The following FAT3 variants were observed in gnomAD, a reference collection of about 807,000 sequenced individuals.
The protein encoded by FAT3 is FAT atypical cadherin 3.
A neutral mutation model predicts 310.2 loss-of-function variants in FAT3; 95 were observed. That is an observed-to-expected ratio of 0.31 (90% confidence interval 0.26 to 0.36). FAT3 has a LOEUF of 0.36. Ranked by LOEUF, FAT3 falls within the 10% of genes least tolerant of loss-of-function variation. The probability of loss-of-function intolerance (pLI) is 1.00; values close to 1 mark genes in which losing one functional copy is unlikely to be tolerated. For synonymous variants in FAT3, 2,314 were observed against 2,192.9 expected (o/e 1.06, Z -1.54); for missense variants, 5,408 against 5,715.6 (o/e 0.95, Z 1.74).
intron 3 of FAT3, among the ~76,000 whole-genome samples, chr11:92,627,782 A>G (rs1941392221): frequency 6.6e-6 from 1 of 152,150 alleles, no homozygotes; most frequent in Non-Finnish European, 1.5e-5. Flanking sequence ...ACCGTGTAGA[A>G]AGCAGAGTGC....
intron 25 of FAT3, among the ~76,000 whole-genome samples, chr11:92,888,144 A>G (rs566557793): frequency 8.2e-4 from 125 of 152,304 alleles, no homozygotes; most frequent in African/African-American, 2.8e-3. Context: ...GCCTATTTTC[A>G]TCACCACTTT....
At chr11:92,600,858 C>CCTT (rs1386865471) in intron 3 of FAT3, among the ~76,000 whole-genome samples, 1 of 152,050 alleles carries the variant, frequency 6.6e-6, no homozygotes, top group Non-Finnish European at 1.5e-5. Context: ...GGGGAAGGCA[C>CCTT]CTTCTCTAAA....
intron 3 of FAT3, among the ~76,000 whole-genome samples, chr11:92,533,765 T>A (rs1019796813): frequency 6.6e-6 from 1 of 152,124 alleles, no homozygotes; most frequent in Non-Finnish European, 1.5e-5. Context: ...CCATGCTGCT[T>A]CATGTCCTGC....
Position 92,890,773 on chromosome 11 carries a change from C to T in FAT3, c.13430C>T (p.Thr4477Ile), listed in dbSNP as rs1198137899. ...TCCCAGCCTGTCTCCCTGGCCAGCACACTGAGCCCAGACTGCAGGAGAAGG... is the reference window on the plus strand; with the variant it reads ...TCCCAGCCTGTCTCCCTGGCCAGCATACTGAGCCCAGACTGCAGGAGAAGG... The part of the protein sequence containing the change: ...PPSQPVSLAS[T>I]LSPDCRRRPQ... The change falls in exon 28 of 28, where the codon ACA (threonine) becomes ATA (isoleucine). Residue 4477 changes from threonine (T) to isoleucine (I), a missense_variant. Transcript: ENST00000525166. 3 of 1,613,918 alleles carry T rather than the reference C, an allele frequency of 1.9e-6. No individual in the cohort carries two copies. Among genetic ancestry groups the T allele is most frequent in the Non-Finnish European group, 1.7e-6 (2 of 1,179,874 alleles).
chr11:92,798,207 G>C lies in FAT3; in HGVS notation c.5194G>C (p.Glu1732Gln). ...VITTQKALDY[E>Q]RTSSYQLIIQ... Reference sequence around the variant, plus strand: ...CACCACTCAGAAGGCCCTGGATTATGAGCGCACATCCTCTTATCAACTCAT... The same window carrying C: ...CACCACTCAGAAGGCCCTGGATTATCAGCGCACATCCTCTTATCAACTCAT... Residue 1732 changes from glutamate to glutamine, a missense_variant, in exon 10 of 28, where the codon GAG becomes CAG. Around this residue, in one of 5 missense-constraint regions of FAT3, gnomAD observed 4,588 missense variants for 4,809.8 expected, o/e 0.95. Coordinates refer to ENST00000525166, the MANE Select transcript of FAT3 (RefSeq NM_001367949.2). The C allele has an allele frequency of 6.2e-7, 1 of 1,613,936 alleles. No individual in the cohort carries two copies. The highest frequency in any genetic ancestry group is 8.5e-7 in the Non-Finnish European group (1 of 1,179,850).
rs1555058204 is a variant in FAT3 at position 92,478,948 on chromosome 11, C to CTTTCTTTCT, written c.3293-45679_3293-45678insCTTTTCTTT. 6.5e-4 allele frequency among the ~76,000 whole-genome samples: 74 copies of CTTTCTTTCT among 114,520 alleles called. 2 individuals carry two copies. The highest frequency in any genetic ancestry group is 1.0e-3 in the Non-Finnish European group (60 of 57,626). 75.1% of individuals were successfully genotyped at this position (114,520 alleles called of 152,430 possible). On this transcript the variant is annotated intron_variant, in intron 2 of 27. Coordinates refer to ENST00000525166, the MANE Select transcript of FAT3 (RefSeq NM_001367949.2). ...TTTCTTTCCTTCTCTTTCTTTCTTT[C>CTTTCTTTCT]TTTCTTTTCTTTTCTTTTCTTTTCT...
intron 1 of FAT3, among the ~76,000 whole-genome samples, chr11:92,234,283 G>C (rs1170976824): frequency 6.6e-6 from 1 of 152,162 alleles, no homozygotes; most frequent in East Asian, 1.9e-4. Flanking sequence ...AGATGCAAGA[G>C]TGTATACATA....
intron 22 of FAT3, among the ~76,000 whole-genome samples, chr11:92,879,680 G>A (rs987184664): frequency 1.3e-5 from 2 of 152,114 alleles, no homozygotes; most frequent in Admixed American, 6.5e-5. Context: ...TGAGATAGGG[G>A]CATCACAAGA....
rs887106773 is a variant in FAT3 at position 92,844,514 on chromosome 11, C to G, written c.11147C>G (p.Ala3716Gly). ...EMHSSEFYKP[A>G]YLIQKLSNAR... ...CACAGCAGCGAGTTCTACAAGCCAGCCTACCTGATCCAGAAGCTGTCCAAT... is the reference window on the plus strand; with the variant it reads ...CACAGCAGCGAGTTCTACAAGCCAGGCTACCTGATCCAGAAGCTGTCCAAT... Residue 3716 changes from alanine to glycine, a missense_variant, in exon 19 of 28, where the codon GCC (alanine) becomes GGC (glycine). Physicochemically the swap from Ala to Gly is moderately conservative, Grantham distance 60. Coordinates refer to ENST00000525166, the MANE Select transcript of FAT3 (RefSeq NM_001367949.2). The G allele has an allele frequency of 1.9e-5, 30 of 1,613,870 alleles. No homozygotes were observed. The highest frequency in any genetic ancestry group is 2.3e-5 in the Non-Finnish European group (27 of 1,179,886).
At chr11:92,335,560 C>T (rs180730066) in intron 1 of FAT3, among the ~76,000 whole-genome samples, 5 of 152,218 alleles carry the variant, frequency 3.3e-5, no homozygotes, top group Admixed American at 2.6e-4. Flanking sequence ...AAAGTACCAT[C>T]CCTAAAGAAG....
chr11:92,817,277 G>C (rs1947848801), intron 13 of FAT3, among the ~76,000 whole-genome samples: 1 of 152,190 alleles, frequency 6.6e-6, no homozygotes, highest in African/African-American at 2.4e-5. Context: ...GTAGGTGCCA[G>C]ATTATTTAAT....
At position 92,512,366 on chromosome 11, in the gene FAT3, A is replaced by G. The variant is rs866457485; in HGVS notation, c.3293-12268A>G. 2.0e-5 allele frequency among the ~76,000 whole-genome samples: 3 copies of G among 151,602 alleles called. No homozygotes were observed. In the East Asian group the frequency reaches 5.8e-4, roughly 29 times the overall value. On this transcript the variant is annotated intron_variant, in intron 2 of 27. Transcript: ENST00000525166. ...GAGCTGAGCAGAGGAGGGTGGCTTT[A>G]TAGACAGAAAAGGGCTAAGGAGAAC...
intron 25 of FAT3, among the ~76,000 whole-genome samples, chr11:92,888,716 T>A (rs1343110250): frequency 1.3e-5 from 2 of 152,194 alleles, no homozygotes; most frequent in Non-Finnish European, 2.9e-5. Context: ...TATGTGACCG[T>A]GAAGCCATCA....
intron 4 of FAT3, among the ~76,000 whole-genome samples, chr11:92,720,283 A>ATTT (rs1198294581): frequency 2.6e-5 from 4 of 152,214 alleles, no homozygotes; most frequent in African/African-American, 9.6e-5. Flanking sequence ...AATATCTTTG[A>ATTT]ATCTCTGGGA....
At position 92,229,510 on chromosome 11, in the gene FAT3, T is replaced by TTTTTTTTTTTTTTTTTTTTTTTTTTTTC. The variant is rs1440088788; in HGVS notation, c.-18+4339_-18+4340insTTTTTTTTTTTTTTTTTTTTTTTTCTTT. 5.2e-5 allele frequency among the ~76,000 whole-genome samples: 4 copies of TTTTTTTTTTTTTTTTTTTTTTTTTTTTC among 77,142 alleles called. 1 individual carries two copies. Among genetic ancestry groups the TTTTTTTTTTTTTTTTTTTTTTTTTTTTC allele is most frequent in the African/African-American group, 1.6e-4 (4 of 25,092 alleles). 50.6% of individuals were successfully genotyped at this position (77,142 alleles called of 152,430 possible). On this transcript the variant is annotated intron_variant, in intron 1 of 27. Coordinates refer to ENST00000525166, the MANE Select transcript of FAT3 (RefSeq NM_001367949.2). The stretch of plus-strand genomic sequence containing the variant: ...TTTTCGTGTTTTTTTTTTTTTTGTT[T>TTTTTTTTTTTTTTTTTTTTTTTTTTTTC]TTTGTTTTTTTTTACATTGCCTCCC...
At chr11:92,829,901 T>A (rs1948197707) in intron 13 of FAT3, among the ~76,000 whole-genome samples, 1 of 152,162 alleles carries the variant, frequency 6.6e-6, no homozygotes, top group Non-Finnish European at 1.5e-5. Flanking sequence ...GATATATGAT[T>A]TTATTGGTTT....
intron 9 of FAT3, among the ~76,000 whole-genome samples, chr11:92,795,880 C>A (rs1947157581): frequency 1.3e-5 from 2 of 152,208 alleles, no homozygotes; most frequent in Non-Finnish European, 1.5e-5. Flanking sequence ...TGCACTCCAG[C>A]CTGGATGACA....
At chr11:92,395,133 A>G (rs1363632279) in intron 2 of FAT3, among the ~76,000 whole-genome samples, 5 of 152,216 alleles carry the variant, frequency 3.3e-5, no homozygotes, top group Non-Finnish European at 7.3e-5. Flanking sequence ...TTTCAGGAGT[A>G]CTAAAGACAT....
At chr11:92,438,929 A>G (rs1951008405) in intron 2 of FAT3, among the ~76,000 whole-genome samples, 2 of 152,212 alleles carry the variant, frequency 1.3e-5, no homozygotes, top group Non-Finnish European at 2.9e-5. Flanking sequence ...TGGCTACACC[A>G]CCAGATCCAT....
Sources: allele counts gnomAD v4.1 joint callset (sites outside exome capture counted in the v4.1 genomes callset), GRCh38; gene constraint gnomAD v4.1.1; regional missense constraint gnomAD v4.1.1; transcripts MANE v1.5; gene names NCBI Gene and HGNC (gene_info 2026-07-23, HGNC 2026-07-21).